The following SLC4A10 variants were observed in gnomAD, a reference collection of about 807,000 sequenced individuals.
The protein encoded by SLC4A10 is solute carrier family 4 member 10.
Under a neutral mutation model 137.7 loss-of-function variants are expected in SLC4A10, and 42 were observed. The ratio of observed to expected loss-of-function variants is 0.30; its 90% confidence interval spans 0.24 to 0.39. The LOEUF is 0.39. SLC4A10 is among the 10% of genes least tolerant of loss of function. SLC4A10 has a pLI of 1.00. For missense variants in SLC4A10, 925 were observed against 1,355.0 expected, an observed-to-expected ratio of 0.68 and a Z score of 4.98; for synonymous variants, 474 against 464.1, an observed-to-expected ratio of 1.02 and a Z score of -0.27.
chr2:161,868,634 T>C (rs2060916299), intron 6 of SLC4A10, among the ~76,000 whole-genome samples: 1 of 151,658 alleles, frequency 6.6e-6, no homozygotes, highest in Non-Finnish European at 1.5e-5. Context: ...TATATCTTAA[T>C]TGGTAAGATA....
At chr2:161,972,025 C>A (rs1297648624) in intron 23 of SLC4A10, among the ~76,000 whole-genome samples, 1 of 152,186 alleles carries the variant, frequency 6.6e-6, no homozygotes, top group Non-Finnish European at 1.5e-5. Context: ...TCGTTTTCTG[C>A]TGCCAGGTAA....
At chr2:161,740,077 A>T (rs1178010492) in intron 1 of SLC4A10, among the ~76,000 whole-genome samples, 12 of 152,152 alleles carry the variant, frequency 7.9e-5, no homozygotes, top group Non-Finnish European at 1.5e-5. Flanking sequence ...CAGGGTTTTG[A>T]TGTTCAATTC....
At chr2:161,726,724 C>T (rs1355199652) in intron 1 of SLC4A10, among the ~76,000 whole-genome samples, 2 of 152,158 alleles carry the variant, frequency 1.3e-5, no homozygotes, top group Non-Finnish European at 2.9e-5. Context: ...GCCTGGCCAA[C>T]ATGGTAAAAC....
At chr2:161,874,952 GT>G (rs2061372968) in intron 8 of SLC4A10, among the ~76,000 whole-genome samples, 2 of 152,202 alleles carry the variant, frequency 1.3e-5, no homozygotes, top group Non-Finnish European at 2.9e-5. Flanking sequence ...TATTAGTGTG[GT>G]TATTAGTAGT....
intron 1 of SLC4A10, among the ~76,000 whole-genome samples, chr2:161,760,839 A>G (rs2050179656): frequency 6.6e-6 from 1 of 151,996 alleles, no homozygotes; most frequent in Admixed American, 6.6e-5. Context: ...CCCCAATAGT[A>G]CATAAGAATA....
At chr2:161,955,173 C>T (rs1035521355) in intron 19 of SLC4A10, among the ~76,000 whole-genome samples, 2 of 152,186 alleles carry the variant, frequency 1.3e-5, no homozygotes, top group Non-Finnish European at 2.9e-5. Context: ...CTACATCCTT[C>T]TCACTCCAGA....
At chr2:161,705,634 G>A (rs944458282) in intron 1 of SLC4A10, among the ~76,000 whole-genome samples, 1 of 151,570 alleles carries the variant, frequency 6.6e-6, no homozygotes, top group African/African-American at 2.4e-5. Flanking sequence ...AGACCATGAA[G>A]GCAGAGACCT....
intron 3 of SLC4A10, among the ~76,000 whole-genome samples, chr2:161,829,382 G>GT (rs575709963): frequency 3.3e-4 from 50 of 152,166 alleles, no homozygotes; most frequent in African/African-American, 1.2e-3. Context: ...GCAGTATGTT[G>GT]TTTTTTTAAA....
rs756102275 is a variant in SLC4A10, at chr2:161,894,717, T to G, written c.1233T>G (p.Asn411Lys). 3 of 1,441,646 alleles carry G rather than the reference T, an allele frequency of 2.1e-6. No homozygotes were observed. Among genetic ancestry groups the G allele is most frequent in the African/African-American group, 1.4e-5 (1 of 69,686 alleles). The allele number at this position is 1,441,646 out of a possible 1,614,324, so 89.3% of individuals were successfully genotyped here. ...TTGCCTATAAAGCTAAAGATCGTAA[T>G]GACTTGGTATCAGGAATTGATGAGT... ...HDVAYKAKDR[N>K]DLVSGIDEFL... Residue 411 changes from asparagine to lysine, a missense_variant, in exon 11 of 27, where the codon AAT becomes AAG. Around this residue, in one of 11 missense-constraint regions of SLC4A10, gnomAD observed 277 missense variants for 306.1 expected, o/e 0.90. Coordinates refer to ENST00000446997, the MANE Select transcript of SLC4A10 (RefSeq NM_001178015.2).
chr2:161,984,340 G>A lies in SLC4A10; in HGVS notation c.*1188G>A, dbSNP rs1700583686. The A allele has an allele frequency of 6.6e-6, 1 of 152,144 alleles. No homozygotes were observed. The highest frequency in any genetic ancestry group is 1.5e-5 in the Non-Finnish European group (1 of 68,002). 9.4% of individuals were successfully genotyped at this position (152,144 alleles called of 1,614,324 possible). A position where few individuals can be genotyped will look rare whatever the true frequency, so the allele number is the denominator to read the frequency against. Reference sequence around the variant, plus strand: ...TCTTTACTAAACTTATATAAGGGGAGAGAAAGTTATGAAGTTTTGGACATT... The same window carrying A: ...TCTTTACTAAACTTATATAAGGGGAAAGAAAGTTATGAAGTTTTGGACATT... On this transcript the variant is annotated 3_prime_UTR_variant, in exon 27 of 27. Coordinates refer to ENST00000446997, the MANE Select transcript of SLC4A10 (RefSeq NM_001178015.2).
rs1559502936 is a variant in SLC4A10 at position 161,904,845 on chromosome 2, C to T, written c.1687C>T (p.Leu563Phe). 6.2e-7 allele frequency: 1 copy of T among 1,613,934 alleles called. No homozygotes were observed. The highest frequency in any genetic ancestry group is 2.2e-5 in the East Asian group (1 of 44,864). ...IAYSLFGGQP[L>F]TILGSTGPVL... is the part of the protein sequence containing the mutation. Reference sequence around the variant, plus strand: ...CTATTCTCTCTTTGGTGGACAGCCTCTTACCATATTAGGCAGTACAGGACC... The same window carrying T: ...CTATTCTCTCTTTGGTGGACAGCCTTTTACCATATTAGGCAGTACAGGACC... The change falls in exon 14 of 27, where the codon CTT becomes TTT. Residue 563 changes from leucine to phenylalanine, a missense_variant. Leu to Phe is a conservative substitution (Grantham distance 22, BLOSUM62 0). Around this residue, in one of 11 missense-constraint regions of SLC4A10, gnomAD observed 61 missense variants for 168.0 expected, o/e 0.36. Coordinates refer to ENST00000446997, the MANE Select transcript of SLC4A10 (RefSeq NM_001178015.2).
chr2:161,926,187 A>G (rs1466423041), intron 15 of SLC4A10, among the ~76,000 whole-genome samples: 2 of 151,426 alleles, frequency 1.3e-5, no homozygotes, highest in African/African-American at 4.8e-5. Flanking sequence ...GTGGGAGTCT[A>G]AGTCTCTTTG....
chr2:161,833,760 T>C (rs1267233290), intron 3 of SLC4A10, among the ~76,000 whole-genome samples: 2 of 152,238 alleles, frequency 1.3e-5, no homozygotes, highest in African/African-American at 4.8e-5. Flanking sequence ...ATACAACAAT[T>C]GGCTGATAAT....
chr2:161,866,216 C>T (rs2060737035), intron 6 of SLC4A10, among the ~76,000 whole-genome samples: 1 of 151,968 alleles, frequency 6.6e-6, no homozygotes, highest in Non-Finnish European at 1.5e-5. Context: ...TTAGTACTCT[C>T]CGGGGTTAAA....
intron 1 of SLC4A10, among the ~76,000 whole-genome samples, chr2:161,642,303 T>C (rs1235328385): frequency 6.6e-6 from 1 of 151,998 alleles, no homozygotes; most frequent in African/African-American, 2.4e-5. Context: ...ACTTTTGGCA[T>C]TAGAATCAGC....
In SLC4A10 at chr2:161,744,985, T is replaced by C. The variant is rs1184828937; in HGVS notation, c.49-25988T>C. Among the ~76,000 whole-genome samples, 4 of 152,318 alleles carry C rather than the reference T, an allele frequency of 2.6e-5. No homozygotes were observed. The South Asian group carries it at 6.2e-4, about 24-fold the overall frequency. On this transcript the variant is annotated intron_variant, in intron 1 of 26. Coordinates refer to ENST00000446997, the MANE Select transcript of SLC4A10 (RefSeq NM_001178015.2). ...CTCATTAACATCTTTTTCTTTCAGA[T>C]TGGAGAATTCCCTTTAGTAATTTTT...
At chr2:161,915,512 C>G (rs1165155841) in intron 15 of SLC4A10, among the ~76,000 whole-genome samples, 1 of 152,186 alleles carries the variant, frequency 6.6e-6, no homozygotes, top group Non-Finnish European at 1.5e-5. Context: ...AGCAGCTTCC[C>G]CATACGATGA....
chr2:161,777,405 A>G (rs1265401519), intron 2 of SLC4A10, among the ~76,000 whole-genome samples: 2 of 151,968 alleles, frequency 1.3e-5, no homozygotes, highest in Admixed American at 6.6e-5. Context: ...TATGCTTTCA[A>G]TGTCATAGCC....
intron 1 of SLC4A10, among the ~76,000 whole-genome samples, chr2:161,737,787 G>T (rs2047496040): frequency 1.3e-5 from 2 of 152,122 alleles, no homozygotes; most frequent in Admixed American, 1.3e-4. Flanking sequence ...GAGTTCTTTA[G>T]AAATAAGGTT....
Sources: gnomAD v4.1 joint callset for allele counts (sites outside exome capture counted in the v4.1 genomes callset) on GRCh38, gnomAD v4.1.1 for gene constraint, gnomAD v4.1.1 regional missense constraint, MANE v1.5 for transcripts, NCBI Gene and HGNC (gene_info 2026-07-23, HGNC 2026-07-21) for gene names.